The following ST14 variants were observed in gnomAD, a reference collection of about 807,000 sequenced individuals.
ST14 encodes suppressor of tumorigenicity 14 protein.
Under a neutral mutation model 96.5 loss-of-function variants are expected in ST14, and 40 were observed. The observed-to-expected ratio is 0.41, with a 90% confidence interval of 0.32 to 0.54. The LOEUF (loss-of-function observed/expected upper bound fraction) is 0.54, where lower values mean the gene tolerates loss of function less well. Ranked by LOEUF, ST14 falls within the 20% of genes least tolerant of loss-of-function variation. The pLI is 0.17. For missense variants in ST14, 1,066 were observed against 1,188.9 expected (o/e 0.90, Z 1.52); for synonymous variants, 506 against 492.1 (o/e 1.03, Z -0.37).
chr11:130,196,418 CCAAGGA>C lies in ST14; in HGVS notation c.1195_1200del (p.Lys399_Asp400del). On this transcript the variant is annotated inframe_deletion, in exon 10 of 19. Transcript: ENST00000278742. ...CCCGGCGTGCCTGCGGGCACCTGCC[CCAAGGA>C]CTACGTGGAGATCAACGGGGAGAAG... The C allele has an allele frequency of 6.2e-7, 1 of 1,610,510 alleles. No homozygotes were observed. The highest frequency in any genetic ancestry group is 8.5e-7 in the Non-Finnish European group (1 of 1,178,646).
intron 1 of ST14, among the ~76,000 whole-genome samples, chr11:130,168,407 G>C (rs1240766051): frequency 1.3e-5 from 2 of 152,138 alleles, no homozygotes; most frequent in African/African-American, 2.4e-5. Flanking sequence ...AGCCAGAGGA[G>C]GTGCAGACTG....
intron 15 of ST14, among the ~76,000 whole-genome samples, 159 bp downstream of exon 15, chr11:130,199,228 T>C (rs1953403007): frequency 6.6e-6 from 1 of 152,208 alleles, no homozygotes; most frequent in South Asian, 2.1e-4. Context: ...GCCTTGCCAG[T>C]TGGCATGAAG....
At chr11:130,204,438 A>G (rs983125993) in intron 16 of ST14, among the ~76,000 whole-genome samples, 2 of 152,214 alleles carry the variant, frequency 1.3e-5, no homozygotes, top group African/African-American at 4.8e-5. Context: ...ATTACAGTGA[A>G]GCGAGATTGG....
In ST14 at chr11:130,208,420, C is replaced by A. The variant is rs1458710569; in HGVS notation, c.2005C>A (p.Pro669Thr). The change falls in exon 17 of 19, where the codon CCC becomes ACC. Residue 669 changes from proline (P) to threonine (T), a missense_variant. By Grantham distance (38) the Pro-to-Thr change is conservative. Transcript: ENST00000278742. ...IDDRGFRYSD[P>T]TQWTAFLGLH... ...GGCTCTCCCTACCAGGTACTCAGAC[C>A]CCACGCAGTGGACGGCCTTCCTGGG... 3 of 1,614,080 alleles carry A rather than the reference C, an allele frequency of 1.9e-6. No homozygotes were observed. The highest frequency in any genetic ancestry group is 1.7e-4 in the Middle Eastern group (1 of 6,058).
At chr11:130,189,505 G>A (rs1838683770) in intron 4 of ST14, 2 of 588,404 alleles carry the variant, frequency 3.4e-6, no homozygotes, top group Non-Finnish European at 6.0e-6. Flanking sequence ...CTACCCCTGA[G>A]CAGCCCCCAG....
At chr11:130,177,551 G>A (rs910687099) in intron 1 of ST14, among the ~76,000 whole-genome samples, 8 of 152,174 alleles carry the variant, frequency 5.3e-5, no homozygotes, top group South Asian at 2.1e-4. Context: ...CGACAAGAGC[G>A]AAACTCCGTC....
In ST14 at chr11:130,208,598, G is replaced by A. The variant is rs1466762163; in HGVS notation, c.2183G>A (p.Arg728Gln). 20 of 1,613,972 alleles carry A rather than the reference G, an allele frequency of 1.2e-5. No homozygotes were observed. The highest frequency in any genetic ancestry group is 1.6e-5 in the Non-Finnish European group (19 of 1,179,996). Residue 728 changes from arginine to glutamine, a missense_variant, in exon 17 of 19, where the codon CGG becomes CAG. Coordinates refer to ENST00000278742, the MANE Select transcript of ST14 (RefSeq NM_021978.4). Reference protein sequence around the residue: ...EKPAEYSSMVRPICLPDASHV... With the variant: ...EKPAEYSSMVQPICLPDASHV... ...CCGGCAGAGTACAGCTCCATGGTGC[G>A]GCCCATCTGCCTGCCGGACGCCTCC...
intron 16 of ST14, among the ~76,000 whole-genome samples, chr11:130,202,233 A>G (rs1194232254): frequency 6.6e-6 from 1 of 151,972 alleles, no homozygotes; most frequent in Non-Finnish European, 1.5e-5. Flanking sequence ...CTTCTCCTTC[A>G]TCGTGTGTTG....
At position 130,197,929 on chromosome 11, in the gene ST14, C is replaced by T. The variant is rs1173814542; in HGVS notation, c.1443C>T (p.Ser481=). 1.1e-5 allele frequency: 18 copies of T among 1,590,222 alleles called. No homozygotes were observed. The highest frequency in any genetic ancestry group is 1.0e-4 in the South Asian group (9 of 88,102). ...CDGWADCTDH[S]DELNCSCDAG... ...GCTGGGCCGACTGCACCGACCACAG[C>T]GATGAGCTCAACTGCAGTGAGTCAG... is the stretch of plus-strand genomic sequence containing the variant. The change falls in exon 12 of 19, where the codon AGC becomes AGT. Residue 481 remains serine, a synonymous_variant. Coordinates refer to ENST00000278742, the MANE Select transcript of ST14 (RefSeq NM_021978.4).
rs938182388 is a variant in ST14 at position 130,209,881 on chromosome 11, T to G, written c.*58T>G. On this transcript the variant is annotated 3_prime_UTR_variant, in exon 19 of 19. Coordinates refer to ENST00000278742, the MANE Select transcript of ST14 (RefSeq NM_021978.4). ...GGGCCACCCATCGTCCACCCCAGTG[T>G]GCACGCCTGCAGGCTGGAGACTGGA... 1.4e-5 allele frequency: 22 copies of G among 1,597,108 alleles called. No homozygotes were observed. The African/African-American group carries it at 2.7e-4, about 19-fold the overall frequency.
intron 1 of ST14, among the ~76,000 whole-genome samples, chr11:130,178,264 C>T (rs955359612): frequency 2.0e-5 from 3 of 150,618 alleles, no homozygotes; most frequent in East Asian, 2.0e-4. Context: ...GGTCATTTGT[C>T]GGTCTTGCCG....
At position 130,188,800 on chromosome 11, in the gene ST14, G is replaced by A; in HGVS notation, c.370-69G>A. ...AGGGGACCCGGGCCCTGGAGGGGAG[G>A]GAGCAGCCCGGGCTTGGGGCAGGGT... On this transcript the variant is annotated intron_variant, in intron 3 of 18. Transcript: ENST00000278742. This position sits in a 1 kb window ranked among gnomAD's most constrained non-coding sequence, Gnocchi z 5.4. The A allele has an allele frequency of 3.1e-6, 5 of 1,602,610 alleles. No individual in the cohort carries two copies. Among genetic ancestry groups the A allele is most frequent in the Non-Finnish European group, 4.3e-6 (5 of 1,172,952 alleles).
At chr11:130,191,888 G>A (rs1364590900) in intron 7 of ST14, among the ~76,000 whole-genome samples, 3 of 152,126 alleles carry the variant, frequency 2.0e-5, no homozygotes, top group African/African-American at 4.8e-5. Context: ...AGATCCTTTC[G>A]GAGGAGGTGG....
chr11:130,196,737 C>A (rs1226457180), intron 11 of ST14, 37 bp downstream of exon 11: 4 of 1,613,790 alleles, frequency 2.5e-6, no homozygotes, highest in Non-Finnish European at 3.4e-6. Context: ...CTGGCGGGGG[C>A]CTGCACCGCA....
In ST14 at chr11:130,198,497, T is replaced by A. The variant is rs1251109615; in HGVS notation, c.1571-11T>A. 6.2e-7 allele frequency: 1 copy of A among 1,613,186 alleles called. No homozygotes were observed. Among genetic ancestry groups the A allele is most frequent in the Admixed American group, 1.7e-5 (1 of 60,030 alleles). Reference sequence around the variant, plus strand: ...GTGGCTCCTGGTGGCTGAGTCCTGGTGCCTCTCCAGGTTGTCCGGCCCAGA... The same window carrying A: ...GTGGCTCCTGGTGGCTGAGTCCTGGAGCCTCTCCAGGTTGTCCGGCCCAGA... On this transcript the variant is annotated splice_polypyrimidine_tract_variant and intron_variant, in intron 13 of 18. Transcript: ENST00000278742.
At chr11:130,193,448 G>A (rs1953325183) in intron 7 of ST14, among the ~76,000 whole-genome samples, 1 of 151,296 alleles carries the variant, frequency 6.6e-6, no homozygotes, top group African/African-American at 2.4e-5. Context: ...CCTCTGTTGT[G>A]GGCATGTATT....
chr11:130,174,609 T>A (rs1039185752), intron 1 of ST14, among the ~76,000 whole-genome samples: 1 of 152,166 alleles, frequency 6.6e-6, no homozygotes, highest in African/African-American at 2.4e-5. Flanking sequence ...TCATCTTCCA[T>A]TTCATAGGGC....
intron 1 of ST14, among the ~76,000 whole-genome samples, chr11:130,172,623 TAGCC>T (rs1472463924): frequency 6.6e-6 from 1 of 151,488 alleles, no homozygotes; most frequent in Non-Finnish European, 1.5e-5. Context: ...TTCACCGTGT[TAGCC>T]AGGATGGTCT....
chr11:130,203,762 C>G (rs924399003), intron 16 of ST14, among the ~76,000 whole-genome samples: 3 of 152,176 alleles, frequency 2.0e-5, no homozygotes, highest in African/African-American at 7.2e-5. Context: ...AAGCAATTCT[C>G]CTGCCTCACC....
Sources: gnomAD v4.1 joint callset for allele counts (sites outside exome capture counted in the v4.1 genomes callset) on GRCh38, gnomAD v4.1.1 for gene constraint, Gnocchi (gnomAD v3.1) non-coding constraint, MANE v1.5 for transcripts, NCBI Gene and HGNC (gene_info 2026-07-23, HGNC 2026-07-21) for gene names.